Variants in AAAS observed in about 807,000 individuals in gnomAD.
The protein encoded by AAAS is aladin.
In AAAS, 60 loss-of-function variants were observed where a neutral mutation model predicts 75.6. The observed-to-expected ratio is 0.79, with a 90% CI of 0.64 to 0.98. The LOEUF is 0.98. Among genes scored for constraint, AAAS ranks in the 50% least tolerant of loss-of-function variants. AAAS has a pLI of 0.00. For missense variants in AAAS, 658 were observed against 686.9 expected (o/e 0.96, Z 0.47); for synonymous variants, 271 against 265.0 (o/e 1.02, Z -0.22).
chr12:53,318,189 C>A (rs1279636816), intron 2 of AAAS, among the ~76,000 whole-genome samples: 3 of 147,766 alleles, frequency 2.0e-5, no homozygotes, highest in African/African-American at 7.5e-5. Context: ...TCATGCCCAG[C>A]TAATTTTTAA....
chr12:53,315,103 AC>A lies in AAAS; in HGVS notation c.436del (p.Val146SerfsTer26). ...SEDLIAEFAQ[V>X]TNWSSCCLRV... ...GGGCTTGTGCACTCACCAATTTGTG[AC>A]TTGGGCAAATTCAGCGATCAGATCT... On this transcript the variant is annotated frameshift_variant, in exon 5 of 16. Transcript: ENST00000209873. LOFTEE classifies it high-confidence loss of function. 6.2e-7 allele frequency: 1 copy of A among 1,614,132 alleles called. No homozygotes were observed. Among genetic ancestry groups the A allele is most frequent in the African/African-American group, 1.3e-5 (1 of 75,018 alleles).
At chr12:53,309,757 T>C (rs1944357352) in intron 7 of AAAS, 36 bp from the exon 8 acceptor site, 1 of 1,607,920 alleles carries the variant, frequency 6.2e-7, no homozygotes, top group Non-Finnish European at 8.5e-7. Context: ...AGTCAGAAGA[T>C]GACAAGAAGC....
Position 53,309,674 on chromosome 12 carries a change from G to A in AAAS, c.737C>T (p.Pro246Leu). ...GGGGGCCCAGGCCAAGCTGGTAACA[G>A]GTGTATGCCCAGGGTGAGACAGCAC... Reference protein sequence around the residue: ...AQVLSHPGHTPVTSLAWAPSG... With the variant: ...AQVLSHPGHTLVTSLAWAPSG... Residue 246 changes from proline (P) to leucine (L), a missense_variant, in exon 8 of 16, where the codon CCT becomes CTT. Coordinates refer to ENST00000209873, the MANE Select transcript of AAAS (RefSeq NM_015665.6). 1 of 1,613,492 alleles carries A rather than the reference G, an allele frequency of 6.2e-7. No individual in the cohort carries two copies. The highest frequency in any genetic ancestry group is 8.5e-7 in the Non-Finnish European group (1 of 1,179,864).
intron 7 of AAAS, among the ~76,000 whole-genome samples, chr12:53,313,653 G>T (rs10747665): frequency 6.6e-6 from 1 of 150,900 alleles, no homozygotes; most frequent in Admixed American, 6.6e-5. Context: ...CTGTTGCCCA[G>T]GCTGGAGTAC....
In AAAS at chr12:53,308,962, G is replaced by C. The variant is rs1412672254; in HGVS notation, c.994C>G (p.Gln332Glu). The change falls in exon 10 of 16, where the codon CAG (glutamine) becomes GAG (glutamate). Residue 332 changes from glutamine to glutamate, a missense_variant and splice_region_variant. By Grantham distance (29) the Gln-to-Glu change is conservative (BLOSUM62 2). Coordinates refer to ENST00000209873, the MANE Select transcript of AAAS (RefSeq NM_015665.6). Reference sequence around the variant, plus strand: ...TGTGAATCAGAGTCCCCTCTTACCTGACAGCGCCCTGATAGAGTAGGCCAC... The same window carrying C: ...TGTGAATCAGAGTCCCCTCTTACCTCACAGCGCCCTGATAGAGTAGGCCAC... ...ERWPTLSGRC[Q>E]TGCWSPDGSR... 6 of 1,614,064 alleles carry C rather than the reference G, an allele frequency of 3.7e-6. No homozygotes were observed. The highest frequency in any genetic ancestry group is 4.2e-6 in the Non-Finnish European group (5 of 1,180,038).
chr12:53,312,522 G>A (rs1944404155), intron 7 of AAAS, among the ~76,000 whole-genome samples: 2 of 148,220 alleles, frequency 1.3e-5, no homozygotes, highest in Non-Finnish European at 3.0e-5. Flanking sequence ...TCGAGATCGT[G>A]CCACTGCACT....
rs1371113516 is a variant in AAAS at position 53,308,345 on chromosome 12, C to A, written c.1186G>T (p.Gly396Trp). 1.9e-6 allele frequency: 3 copies of A among 1,614,182 alleles called. No individual in the cohort carries two copies. The highest frequency in any genetic ancestry group is 2.2e-5 in the East Asian group (1 of 44,892). The change falls in exon 13 of 16, where the codon GGG becomes TGG. Residue 396 changes from glycine (G) to tryptophan (W), a missense_variant. Physicochemically the swap from Gly to Trp is radical, Grantham distance 184. Coordinates refer to ENST00000209873, the MANE Select transcript of AAAS (RefSeq NM_015665.6). ...CAGACCATGGAGTGAGCCTCTCCCCCAAGCCTGTGGGTAAGGACAGGTTAG... is the reference window on the plus strand; with the variant it reads ...CAGACCATGGAGTGAGCCTCTCCCCAAAGCCTGTGGGTAAGGACAGGTTAG... ...IQTPDGEERL[G>W]GEAHSMVWDP...
intron 2 of AAAS, among the ~76,000 whole-genome samples, chr12:53,318,255 T>TGTGTGTGC (rs1555191478): frequency 1.0e-5 from 1 of 98,718 alleles, no homozygotes; most frequent in Non-Finnish European, 2.3e-5. Flanking sequence ...CGTGTGTGTG[T>TGTGTGTGC]GTGTGTGTGT....
intron 7 of AAAS, among the ~76,000 whole-genome samples, chr12:53,312,217 C>CA (rs111952165): frequency 0.021 from 2,859 of 139,384 alleles, 92 homozygotes; most frequent in African/African-American, 0.07. Flanking sequence ...AACTCCATCT[C>CA]AAAAAAAAAA....
intron 8 of AAAS, 104 bp from the exon 9 acceptor site, chr12:53,309,385 G>T: frequency 1.3e-6 from 2 of 1,562,962 alleles, no homozygotes; most frequent in Non-Finnish European, 1.7e-6. Context: ...GAGGAAGCGG[G>T]AGAGGGACTG....
intron 5 of AAAS, 90 bp downstream of exon 5, chr12:53,315,004 A>C (rs1410970956): frequency 6.6e-7 from 1 of 1,523,768 alleles, no homozygotes; most frequent in Non-Finnish European, 9.1e-7. Context: ...GAGCAATCAG[A>C]AAAGGAGTAG....
chr12:53,316,848 G>A (rs1234305900), intron 2 of AAAS, among the ~76,000 whole-genome samples: 1 of 151,614 alleles, frequency 6.6e-6, no homozygotes, highest in Non-Finnish European at 1.5e-5. Context: ...GGGAGGCCAA[G>A]GCAGGTGGAT....
intron 7 of AAAS, among the ~76,000 whole-genome samples, chr12:53,313,415 C>CT (rs572302162): frequency 2.3e-4 from 35 of 152,026 alleles, no homozygotes; most frequent in Admixed American, 5.2e-4. Flanking sequence ...ATCCACCCAC[C>CT]TTGGTCTCCC....
At chr12:53,313,551 TTGG>T (rs1944421364) in intron 7 of AAAS, among the ~76,000 whole-genome samples, 1 of 152,080 alleles carries the variant, frequency 6.6e-6, no homozygotes, top group Non-Finnish European at 1.5e-5. Flanking sequence ...TCCTCACGCC[TTGG>T]CCTCCCAAAA....
intron 2 of AAAS, among the ~76,000 whole-genome samples, chr12:53,316,764 C>CAAAAA (rs34520642): frequency 3.3e-3 from 255 of 76,536 alleles, no homozygotes; most frequent in Non-Finnish European, 3.8e-3. Context: ...CCATCTCAGA[C>CAAAAA]AAAAAAAAAA....
chr12:53,310,322 G>T (rs1246743474), intron 7 of AAAS, among the ~76,000 whole-genome samples: 2 of 152,176 alleles, frequency 1.3e-5, no homozygotes, highest in Non-Finnish European at 2.9e-5. Context: ...CACTTTGGGA[G>T]GCCGAGGTGG....
intron 1 of AAAS, 48 bp downstream of exon 1, chr12:53,321,295 G>T (rs1438989908): frequency 6.3e-7 from 1 of 1,597,392 alleles, no homozygotes; most frequent in South Asian, 1.1e-5. Context: ...AGTAGTCCCC[G>T]ACTCCGCCCC....
chr12:53,317,329 G>A (rs1350498665), intron 2 of AAAS, among the ~76,000 whole-genome samples: 9 of 151,408 alleles, frequency 5.9e-5, no homozygotes, highest in Middle Eastern at 3.2e-3. Flanking sequence ...AGGCTGAGGC[G>A]GGCGGATCAC....
Position 53,307,496 on chromosome 12 carries a change from TG to T in AAAS, c.1633del (p.His545ThrfsTer6), listed in dbSNP as rs1172979477. 3 of 1,611,552 alleles carry T rather than the reference TG, an allele frequency of 1.9e-6. No homozygotes were observed. The highest frequency in any genetic ancestry group is 3.3e-5 in the Admixed American group (2 of 59,802). On this transcript the variant is annotated frameshift_variant, in exon 16 of 16. Coordinates refer to ENST00000209873, the MANE Select transcript of AAAS (RefSeq NM_015665.6). LOFTEE classifies it high-confidence loss of function. ...AGGAAAACTTATTTATTCTTAGAGG[TG>T]GGAATGTGGGGAGTGGGGCAGAACA... Reference protein sequence around the residue: ...PPVLPHSPHSHL With the variant: ...PPVLPHSPHSXL
Sources: allele counts gnomAD v4.1 joint callset (sites outside exome capture counted in the v4.1 genomes callset), GRCh38; gene constraint gnomAD v4.1.1; transcripts MANE v1.5; gene names NCBI Gene and HGNC (gene_info 2026-07-23, HGNC 2026-07-21).